Variants in CRAMP1 observed in about 807,000 individuals in gnomAD.
CRAMP1 encodes the protein protein cramped-like.
Under a neutral mutation model 115.4 loss-of-function variants are expected in CRAMP1, and 50 were observed. That is an observed-to-expected ratio of 0.43 (90% CI 0.35 to 0.55). The LOEUF (loss-of-function observed/expected upper bound fraction) is 0.55. CRAMP1 is among the 20% of genes least tolerant of loss of function. The pLI is 0.01. For synonymous variants in CRAMP1, 866 were observed against 745.4 expected, an observed-to-expected ratio of 1.16 and a Z score of -2.64; for missense variants, 1,679 against 1,721.7, an observed-to-expected ratio of 0.98 and a Z score of 0.44.
Position 1,671,167 on chromosome 16 carries a change from T to A in CRAMP1, c.3645+358T>A, listed in dbSNP as rs2036919167. Among the ~76,000 whole-genome samples, 1 of 152,014 alleles carries A rather than the reference T, an allele frequency of 6.6e-6. No homozygotes were observed. Among genetic ancestry groups the A allele is most frequent in the Admixed American group, 6.6e-5 (1 of 15,252 alleles). ...AGGTGCTGAGGTGCGGGGAGTGTTG[T>A]GGAGGGAGGAGTAAGGGGTGGTGGC... On this transcript the variant is annotated intron_variant, in intron 20 of 20. Coordinates refer to ENST00000397412, the MANE Select transcript of CRAMP1 (RefSeq NM_020825.4). The surrounding 1 kb of genome is among the most constrained non-coding windows in gnomAD (Gnocchi z 5.0).
chr16:1,661,001 T>TC (rs2036824258), intron 11 of CRAMP1, among the ~76,000 whole-genome samples: 1 of 150,426 alleles, frequency 6.6e-6, no homozygotes, highest in African/African-American at 2.5e-5. Context: ...GGAGCGAGAC[T>TC]CCATCTCAAA....
chr16:1,656,667 C>G lies in CRAMP1; in HGVS notation c.1910C>G (p.Ala637Gly). 1 of 1,572,564 alleles carries G rather than the reference C, an allele frequency of 6.4e-7. No homozygotes were observed. The highest frequency in any genetic ancestry group is 8.6e-7 in the Non-Finnish European group (1 of 1,160,184). ...ACTAAAGACTTGGCAGATGCACCTG[C>G]GGAGGAGCTCCAGGAGAAGGGGAGC... is the stretch of plus-strand genomic sequence containing the variant. ...VCTKDLADAPAEELQEKGSPA... is the reference protein window; with the variant it reads ...VCTKDLADAPGEELQEKGSPA... The change falls in exon 10 of 21, where the codon GCG (alanine) becomes GGG (glycine). Residue 637 changes from alanine to glycine, a missense_variant. Coordinates refer to ENST00000397412, the MANE Select transcript of CRAMP1 (RefSeq NM_020825.4). The surrounding 1 kb of genome is among the most constrained non-coding windows in gnomAD (Gnocchi z 5.6).
At chr16:1,645,501 A>G (rs533987179) in intron 6 of CRAMP1, 8 of 161,816 alleles carry the variant, frequency 4.9e-5, no homozygotes, top group African/African-American at 7.2e-5. Context: ...TGGTCCTTTT[A>G]TCACAACTCA....
chr16:1,612,959 C>T lies in CRAMP1; in HGVS notation c.-2+302C>T, dbSNP rs536876738. ...AAAGTCTGGACGGCGTCGGTCCTTT[C>T]AGTGGCGAAAAGCGCTTCCCCGTGC... On this transcript the variant is annotated intron_variant, in intron 1 of 20. Transcript: ENST00000397412. Among the ~76,000 whole-genome samples, 21 of 152,172 alleles carry T rather than the reference C, an allele frequency of 1.4e-4. No homozygotes were observed. In the South Asian group the frequency reaches 3.7e-3, roughly 27 times the overall value.
intron 20 of CRAMP1, among the ~76,000 whole-genome samples, chr16:1,673,358 C>T (rs1291764577): frequency 6.6e-6 from 1 of 151,910 alleles, no homozygotes; most frequent in East Asian, 1.9e-4. Flanking sequence ...GAACGTGTCC[C>T]CCACCTGTCC....
At chr16:1,636,195 ACCC>A (rs1387953709) in intron 4 of CRAMP1, among the ~76,000 whole-genome samples, 1 of 151,890 alleles carries the variant, frequency 6.6e-6, no homozygotes, top group African/African-American at 2.4e-5. Flanking sequence ...ACGTGGTGAA[ACCC>A]CGTCTCTACT....
intron 14 of CRAMP1, among the ~76,000 whole-genome samples, chr16:1,665,519 G>A (rs948401707): frequency 6.6e-6 from 1 of 152,120 alleles, no homozygotes; most frequent in Non-Finnish European, 1.5e-5. Flanking sequence ...TTTAGTGGGG[G>A]CCTTGGCTCC....
At chr16:1,673,329 GTCCTCATGTCTGTGACGGGAACGTGTCCC>G (rs1286176288) in intron 20 of CRAMP1, among the ~76,000 whole-genome samples, 2 of 147,256 alleles carry the variant, frequency 1.4e-5, no homozygotes, top group African/African-American at 5.1e-5. Flanking sequence ...TCCCCCACCT[GTCCTCATGTCTGTGACGGGAACGTGTCCC>G]CCACCTGTCC....
At chr16:1,637,430 C>T (rs991202695) in intron 4 of CRAMP1, among the ~76,000 whole-genome samples, 1 of 152,194 alleles carries the variant, frequency 6.6e-6, no homozygotes, top group Non-Finnish European at 1.5e-5. Flanking sequence ...TGGGAGGGCA[C>T]AGGTGAGGCA....
At chr16:1,628,317 G>A (rs190846175) in intron 3 of CRAMP1, among the ~76,000 whole-genome samples, 15 of 152,296 alleles carry the variant, frequency 9.8e-5, no homozygotes, top group Non-Finnish European at 2.2e-4. Context: ...GCAGTGGCAC[G>A]ATCTTGGCTA....
At position 1,676,007 on chromosome 16, in the gene CRAMP1, G is replaced by C. The variant is rs758473806; in HGVS notation, c.*1962G>C. 1.2e-4 allele frequency: 18 copies of C among 152,228 alleles called. No homozygotes were observed. The highest frequency in any genetic ancestry group is 2.6e-4 in the Non-Finnish European group (18 of 68,068). The allele number at this position is 152,228 out of a possible 1,614,324, so 9.4% of individuals were successfully genotyped here. On this transcript the variant is annotated 3_prime_UTR_variant, in exon 21 of 21. Transcript: ENST00000397412. The stretch of plus-strand genomic sequence containing the variant: ...GCGTCTCTAGAGGGTTAGGATACCA[G>C]GCCGAGTTCAGGCCACTGCTAGCTT...
chr16:1,642,503 C>A (rs968104777), intron 6 of CRAMP1, among the ~76,000 whole-genome samples: 3 of 152,220 alleles, frequency 2.0e-5, no homozygotes, highest in Admixed American at 2.0e-4. Flanking sequence ...AGCCAGGGGC[C>A]GCCAGCCATA....
At chr16:1,627,825 G>C (rs1466729214) in intron 3 of CRAMP1, among the ~76,000 whole-genome samples, 1 of 152,206 alleles carries the variant, frequency 6.6e-6, no homozygotes, top group Non-Finnish European at 1.5e-5. Context: ...CCTTTAAGCT[G>C]TTTGTTGGTC....
rs2036874912 is a variant in CRAMP1, at chr16:1,666,228, GT to G, written c.2857+56del. The G allele has an allele frequency of 3.7e-6, 5 of 1,363,620 alleles. No homozygotes were observed. Among genetic ancestry groups the G allele is most frequent in the Non-Finnish European group, 2.1e-6 (2 of 971,930 alleles). 84.5% of individuals were successfully genotyped at this position (1,363,620 alleles called of 1,614,324 possible). A position where few individuals can be genotyped will look rare whatever the true frequency, so the allele number is the denominator to read the frequency against. ...GCCACTGAGTGAGCCTCTGAGGGAT[GT>G]TTTTGTGACCAGGTTTTTTGAATGT... On this transcript the variant is annotated intron_variant, in intron 15 of 20. Transcript: ENST00000397412. This position sits in a 1 kb window ranked among gnomAD's most constrained non-coding sequence, Gnocchi z 5.0.
At position 1,676,376 on chromosome 16, in the gene CRAMP1, A is replaced by G. The variant is rs1346823072; in HGVS notation, c.*2331A>G. The G allele has an allele frequency of 6.6e-6, 1 of 152,302 alleles. No individual in the cohort carries two copies. The highest frequency in any genetic ancestry group is 6.5e-5 in the Admixed American group (1 of 15,286). 9.4% of individuals were successfully genotyped at this position (152,302 alleles called of 1,614,324 possible). On this transcript the variant is annotated 3_prime_UTR_variant, in exon 21 of 21. Coordinates refer to ENST00000397412, the MANE Select transcript of CRAMP1 (RefSeq NM_020825.4). ...TGCTTCTCTAGTAACTAGACAGGTG[A>G]TACGCATTTGCTTGCCACATTAAGG...
intron 6 of CRAMP1, among the ~76,000 whole-genome samples, chr16:1,652,081 GGGA>G (rs1316878466): frequency 1.3e-5 from 2 of 152,192 alleles, no homozygotes; most frequent in Admixed American, 6.5e-5. Context: ...AGAGGTCATG[GGGA>G]GGAGGACTGA....
intron 3 of CRAMP1, 119 bp downstream of exon 3, chr16:1,626,285 C>T: frequency 1.0e-6 from 1 of 975,360 alleles, no homozygotes; most frequent in Admixed American, 3.3e-5. Flanking sequence ...CTGGGCGACC[C>T]CCGCAGTGGC....
chr16:1,653,430 A>G (rs532575054), intron 8 of CRAMP1, among the ~76,000 whole-genome samples: 55 of 152,238 alleles, frequency 3.6e-4, no homozygotes, highest in African/African-American at 1.2e-3. Flanking sequence ...TTCGTCCCCC[A>G]CTAAGGCCCA....
chr16:1,612,466 C>T lies in CRAMP1; in HGVS notation c.-193C>T, dbSNP rs1338858380. 6.6e-6 allele frequency: 1 copy of T among 151,208 alleles called. No individual in the cohort carries two copies. The highest frequency in any genetic ancestry group is 1.5e-5 in the Non-Finnish European group (1 of 67,684). The allele number at this position is 151,208 out of a possible 1,614,324, so 9.4% of individuals were successfully genotyped here. On this transcript the variant is annotated 5_prime_UTR_variant, in exon 1 of 21. Coordinates refer to ENST00000397412, the MANE Select transcript of CRAMP1 (RefSeq NM_020825.4). ...TGCGTCCGCAGCCCCCGCAGCCGCGCGCCGGCCCGCGGAGGGGACGTGCCG... is the reference window on the plus strand; with the variant it reads ...TGCGTCCGCAGCCCCCGCAGCCGCGTGCCGGCCCGCGGAGGGGACGTGCCG...
Sources: allele counts gnomAD v4.1 joint callset (sites outside exome capture counted in the v4.1 genomes callset), GRCh38; gene constraint gnomAD v4.1.1; non-coding constraint Gnocchi (gnomAD v3.1); transcripts MANE v1.5; gene names NCBI Gene and HGNC (gene_info 2026-07-23, HGNC 2026-07-21).